Variants in METTL15 observed in about 807,000 individuals in gnomAD.
The protein encoded by METTL15 is 12S rRNA N(4)-cytidine methyltransferase METTL15.
A neutral mutation model predicts 38.3 loss-of-function variants in METTL15; 34 were observed. The ratio of observed to expected loss-of-function variants is 0.89; its 90% confidence interval spans 0.68 to 1.18. The LOEUF (loss-of-function observed/expected upper bound fraction) is 1.18, where lower values mean the gene tolerates loss of function less well. Ranked by LOEUF, METTL15 falls within the 50% of genes most tolerant of loss-of-function variation. The pLI is 0.00. For synonymous variants in METTL15, 162 were observed against 170.9 expected (o/e 0.95, Z 0.41); for missense variants, 438 against 498.4 (o/e 0.88, Z 1.15).
intron 4 of METTL15, among the ~76,000 whole-genome samples, chr11:28,217,822 TCTCC>T (rs1243387262): frequency 3.3e-4 from 50 of 152,340 alleles, no homozygotes; most frequent in Admixed American, 1.0e-3. Flanking sequence ...GGGAATCCTT[TCTCC>T]ATTTCTTGTT....
chr11:28,163,654 A>C (rs1163292790), intron 3 of METTL15: 6 of 391,362 alleles, frequency 1.5e-5, no homozygotes, highest in African/African-American at 1.0e-4. Flanking sequence ...TTTCCCCCAG[A>C]ATCAATTGCC....
intron 5 of METTL15, among the ~76,000 whole-genome samples, chr11:28,294,995 A>T (rs1362664215): frequency 1.3e-5 from 2 of 152,142 alleles, no homozygotes; most frequent in African/African-American, 4.8e-5. Context: ...TCCCATGGAT[A>T]AATTTCTAAA....
At chr11:28,372,734 G>A (rs1187969402) in intron 5 of METTL15, among the ~76,000 whole-genome samples, 2 of 149,528 alleles carry the variant, frequency 1.3e-5, no homozygotes, top group East Asian at 4.0e-4. Flanking sequence ...TAGTCATCTA[G>A]CATTAGGTAT....
At chr11:28,354,479 T>G (rs1850073233) in intron 4 of METTL15, among the ~76,000 whole-genome samples, 1 of 152,228 alleles carries the variant, frequency 6.6e-6, no homozygotes, top group South Asian at 2.1e-4. Context: ...GATGTCGTTT[T>G]AGATTTATTT....
intron 6 of METTL15, among the ~76,000 whole-genome samples, chr11:28,464,286 C>T (rs905342814): frequency 1.3e-5 from 2 of 152,114 alleles, no homozygotes; most frequent in Admixed American, 6.6e-5. Context: ...GCTTCCATTA[C>T]CTAGTACAGG....
At chr11:28,368,966 C>T (rs1384936666) in intron 5 of METTL15, among the ~76,000 whole-genome samples, 1 of 151,626 alleles carries the variant, frequency 6.6e-6, no homozygotes, top group African/African-American at 2.4e-5. Flanking sequence ...AGCACATGGA[C>T]ATAAGGAGGG....
At chr11:28,266,450 A>C (rs1323632814) in intron 4 of METTL15, among the ~76,000 whole-genome samples, 1 of 152,210 alleles carries the variant, frequency 6.6e-6, no homozygotes, top group Non-Finnish European at 1.5e-5. Flanking sequence ...TCAGCAAACT[A>C]TCACAAGGAC....
chr11:28,296,262 G>C (rs75580590), intron 5 of METTL15, among the ~76,000 whole-genome samples: 3,696 of 152,158 alleles, frequency 0.024, 163 homozygotes, highest in African/African-American at 0.084. Context: ...GTTTTTTATA[G>C]ATTTGCTAAG....
chr11:28,181,812 A>G (rs1387475933), intron 3 of METTL15, among the ~76,000 whole-genome samples: 1 of 152,132 alleles, frequency 6.6e-6, no homozygotes, highest in Non-Finnish European at 1.5e-5. Flanking sequence ...TTCTAGTTCT[A>G]GATCCTTGAG....
chr11:28,354,373 A>C (rs1374856982), intron 4 of METTL15, among the ~76,000 whole-genome samples: 1 of 152,154 alleles, frequency 6.6e-6, no homozygotes, highest in African/African-American at 2.4e-5. Flanking sequence ...AGCAGTGAAG[A>C]AGTGGGCTTT....
At position 28,133,721 on chromosome 11, in the gene METTL15, A is replaced by G. The variant is rs2133639490; in HGVS notation, c.270+20117A>G. ...AGTGGAATTGAGGCTCCTACCAACAATCAGCACCCAGTGGTTGAGCAGTCT... is the reference window on the plus strand; with the variant it reads ...AGTGGAATTGAGGCTCCTACCAACAGTCAGCACCCAGTGGTTGAGCAGTCT... On this transcript the variant is annotated intron_variant, in intron 3 of 6. Transcript: ENST00000407364. Among the ~76,000 whole-genome samples, 2 of 152,234 alleles carry G rather than the reference A, an allele frequency of 1.3e-5. 1 individual carries two copies. The highest frequency in any genetic ancestry group is 6.8e-3 in the Middle Eastern group (2 of 294).
chr11:28,414,257 G>C (rs1456074324), intron 5 of METTL15, among the ~76,000 whole-genome samples: 3 of 152,030 alleles, frequency 2.0e-5, no homozygotes, highest in Admixed American at 6.6e-5. Flanking sequence ...TGAAAGCAAG[G>C]AGCAGGAAAC....
chr11:28,521,432 G>T (rs1178777538), intron 6 of METTL15, among the ~76,000 whole-genome samples: 1 of 152,208 alleles, frequency 6.6e-6, no homozygotes, highest in African/African-American at 2.4e-5. Context: ...AGAGTTGGGT[G>T]TATAAGTTTG....
intron 4 of METTL15, among the ~76,000 whole-genome samples, chr11:28,280,868 T>C (rs1332007867): frequency 6.6e-6 from 1 of 150,448 alleles, no homozygotes; most frequent in East Asian, 1.9e-4. Context: ...TATTTAACTG[T>C]TTTCTATAGA....
intron 6 of METTL15, among the ~76,000 whole-genome samples, chr11:28,490,772 A>G (rs376158469): frequency 6.6e-6 from 1 of 152,184 alleles, no homozygotes; most frequent in African/African-American, 2.4e-5. Context: ...TATCTGTTGG[A>G]GACAAATGTT....
At chr11:28,369,821 C>T (rs1850224883) in intron 5 of METTL15, among the ~76,000 whole-genome samples, 1 of 152,100 alleles carries the variant, frequency 6.6e-6, no homozygotes, top group African/African-American at 2.4e-5. Flanking sequence ...CATCAGACAG[C>T]AACACCAAGG....
chr11:28,186,323 T>G (rs1851491885), intron 3 of METTL15, among the ~76,000 whole-genome samples: 1 of 151,430 alleles, frequency 6.6e-6, no homozygotes, highest in Admixed American at 6.6e-5. Flanking sequence ...ATAATGGGAT[T>G]TTGTGTATTA....
At chr11:28,184,221 G>A (rs1183744436) in intron 3 of METTL15, among the ~76,000 whole-genome samples, 6 of 151,484 alleles carry the variant, frequency 4.0e-5, no homozygotes, top group Non-Finnish European at 7.4e-5. Flanking sequence ...TTCTGGATTC[G>A]TTGATTTTTT....
intron 3 of METTL15, among the ~76,000 whole-genome samples, chr11:28,147,627 A>G (rs1241883722): frequency 1.3e-5 from 2 of 151,840 alleles, no homozygotes; most frequent in South Asian, 2.1e-4. Context: ...TTTAAGAACA[A>G]CAGTAACCTA....
Sources: gnomAD v4.1 joint callset for allele counts (sites outside exome capture counted in the v4.1 genomes callset) on GRCh38, gnomAD v4.1.1 for gene constraint, MANE v1.5 for transcripts, NCBI Gene and HGNC (gene_info 2026-07-23, HGNC 2026-07-21) for gene names.